The following UCHL5 variants were observed in gnomAD, a reference collection of about 807,000 sequenced individuals.
UCHL5 encodes the protein ubiquitin carboxyl-terminal hydrolase isozyme L5.
UCHL5 carries 34 observed loss-of-function variants against 53.8 expected under a neutral mutation model. The observed-to-expected ratio is 0.63, with a 90% CI of 0.48 to 0.84. UCHL5 has a LOEUF of 0.84. Among genes scored for constraint, UCHL5 ranks in the 40% least tolerant of loss-of-function variants. UCHL5 has a pLI of 0.00. For synonymous variants in UCHL5, 111 were observed against 126.3 expected (o/e 0.88, Z 0.81); for missense variants, 290 against 385.6 (o/e 0.75, Z 2.08).
At chr1:193,059,426 G>A, upstream of UCHL5, 8 of 1,610,768 alleles carry the variant, frequency 5.0e-6, no homozygotes, top group Non-Finnish European at 6.8e-6. This position sits in a 1 kb window ranked among gnomAD's most constrained non-coding sequence, Gnocchi z 4.9. Context: ...CAGCGCGACT[G>A]AGCGCGGGAG....
At chr1:193,034,866 GA>G (rs1662795333) in intron 3 of UCHL5, among the ~76,000 whole-genome samples, 1 of 151,918 alleles carries the variant, frequency 6.6e-6, no homozygotes, top group Non-Finnish European at 1.5e-5. Flanking sequence ...AATAGAGGCA[GA>G]AAAAGGATTT....
Position 193,014,964 on chromosome 1 carries a change from A to G in UCHL5, c.*1387T>C, listed in dbSNP as rs547690419. 3 of 152,234 alleles carry G rather than the reference A, an allele frequency of 2.0e-5. No homozygotes were observed. Among genetic ancestry groups the G allele is most frequent in the Middle Eastern group, 3.4e-3 (1 of 294 alleles). 9.4% of individuals were successfully genotyped at this position (152,234 alleles called of 1,614,324 possible). A position where few individuals can be genotyped will look rare whatever the true frequency, so the allele number is the denominator to read the frequency against. On this transcript the variant is annotated 3_prime_UTR_variant, in exon 11 of 11. Transcript: ENST00000367454. The stretch of plus-strand genomic sequence containing the variant: ...CAAGATGAGCCTTCCTTAAAAATCT[A>G]TTTTTAAAAATTATATCATGGCTTT...
intron 2 of UCHL5, among the ~76,000 whole-genome samples, chr1:193,051,392 T>C (rs1334662637): frequency 6.6e-6 from 1 of 152,006 alleles, no homozygotes; most frequent in Non-Finnish European, 1.5e-5. Context: ...TCAAATATGC[T>C]TTAGTACACT....
At position 193,059,177 on chromosome 1, in the gene UCHL5, G is replaced by C; in HGVS notation, c.76+8C>G. The C allele has an allele frequency of 3.1e-6, 5 of 1,605,618 alleles. No individual in the cohort carries two copies. Among genetic ancestry groups the C allele is most frequent in the Non-Finnish European group, 4.3e-6 (5 of 1,175,830 alleles). On this transcript the variant is annotated splice_region_variant and intron_variant, in intron 1 of 10. Coordinates refer to ENST00000367454, the MANE Select transcript of UCHL5 (RefSeq NM_001199261.3). This position sits in a 1 kb window ranked among gnomAD's most constrained non-coding sequence, Gnocchi z 4.9. ...CCCCAGGCCCAGGACGGTCCCCTTG[G>C]TTCTCACCGAATCCTTTAATGAGCT...
intron 3 of UCHL5, among the ~76,000 whole-genome samples, chr1:193,048,745 A>C (rs184173223): frequency 3.3e-5 from 5 of 152,372 alleles, no homozygotes; most frequent in South Asian, 4.1e-4. Flanking sequence ...ATTAAGGCAG[A>C]CATTTAAAAG....
chr1:193,029,137 C>T (rs1163844058), intron 6 of UCHL5, 42 bp downstream of exon 6: 1 of 1,594,646 alleles, frequency 6.3e-7, no homozygotes, highest in Admixed American at 1.8e-5. Flanking sequence ...AACAGATTTT[C>T]CCCTGTCAAA....
chr1:193,059,510 TG>T (rs1419374730), upstream of UCHL5: 1 of 1,589,690 alleles, frequency 6.3e-7, no homozygotes, highest in Non-Finnish European at 8.6e-7. The surrounding 1 kb of genome is among the most constrained non-coding windows in gnomAD (Gnocchi z 4.9). Context: ...TCGGAAGGGC[TG>T]GGGCCTGAGA....
chr1:193,026,836 T>C (rs138912601), intron 7 of UCHL5, among the ~76,000 whole-genome samples: 19 of 152,054 alleles, frequency 1.2e-4, no homozygotes, highest in Middle Eastern at 3.4e-3. Context: ...AGCCAAAAAA[T>C]AGAAAACAAT....
intron 1 of UCHL5, among the ~76,000 whole-genome samples, chr1:193,056,011 G>A (rs1670524395): frequency 6.6e-6 from 1 of 152,022 alleles, no homozygotes; most frequent in African/African-American, 2.4e-5. Context: ...AAGCCACCTT[G>A]GCTAGAATTT....
At chr1:193,026,710 T>A (rs916864799) in intron 7 of UCHL5, among the ~76,000 whole-genome samples, 12 of 148,612 alleles carry the variant, frequency 8.1e-5, no homozygotes, top group African/African-American at 1.5e-4. Flanking sequence ...AAAAAAAAAA[T>A]ATCCATTTAC....
chr1:193,023,004 C>A lies in UCHL5; in HGVS notation c.765G>T (p.Met255Ile). Residue 255 changes from methionine to isoleucine, a missense_variant, in exon 9 of 11, where the codon ATG becomes ATT. Transcript: ENST00000367454. ...CAACTTCTGACTGAATAGCACTTAA[C>A]ATACTATTACCTTGATCTGTATCCA... The part of the protein sequence containing the change: ...EPMDTDQGNS[M>I]LSAIQSEVAK... The A allele has an allele frequency of 3.1e-6, 5 of 1,613,344 alleles. No individual in the cohort carries two copies. Among genetic ancestry groups the A allele is most frequent in the Non-Finnish European group, 4.2e-6 (5 of 1,179,602 alleles).
intron 9 of UCHL5, among the ~76,000 whole-genome samples, chr1:193,022,297 G>C (rs887491173): frequency 6.6e-6 from 1 of 152,106 alleles, no homozygotes; most frequent in Non-Finnish European, 1.5e-5. Context: ...ACACTTTACT[G>C]ACACTGTGGG....
chr1:193,024,022 T>C (rs921384180), intron 7 of UCHL5, 76 bp from the exon 8 acceptor site: 6 of 1,044,552 alleles, frequency 5.7e-6, no homozygotes, highest in Non-Finnish European at 8.2e-6. Context: ...TCCATCGTGA[T>C]TCCCCTCTTG....
chr1:193,041,049 G>C (rs1241548625), intron 3 of UCHL5, among the ~76,000 whole-genome samples: 1 of 152,104 alleles, frequency 6.6e-6, no homozygotes, highest in Non-Finnish European at 1.5e-5. Flanking sequence ...CAGTTTAACA[G>C]AAGAAAGAAG....
intron 1 of UCHL5, among the ~76,000 whole-genome samples, chr1:193,056,403 T>G (rs2102930582): frequency 6.6e-6 from 1 of 152,310 alleles, no homozygotes; most frequent in East Asian, 1.9e-4. Context: ...CTGCTTACTC[T>G]AGGTTTTCTA....
At chr1:193,051,211 A>G (rs778838379) in intron 2 of UCHL5, among the ~76,000 whole-genome samples, 9 of 152,122 alleles carry the variant, frequency 5.9e-5, no homozygotes, top group South Asian at 2.1e-4. Context: ...GTTTGAGGGC[A>G]TGGTAGTCAG....
intron 3 of UCHL5, among the ~76,000 whole-genome samples, chr1:193,040,765 G>A (rs143633166): frequency 0.012 from 1,853 of 152,194 alleles, 19 homozygotes; most frequent in South Asian, 0.034. Context: ...ATGGATGAAT[G>A]GATAAAGAAA....
At chr1:193,035,822 T>C (rs139477319) in intron 3 of UCHL5, among the ~76,000 whole-genome samples, 19 of 152,140 alleles carry the variant, frequency 1.2e-4, no homozygotes, top group Middle Eastern at 3.4e-3. Context: ...AATACGTATA[T>C]TGACAAAACA....
intron 10 of UCHL5, chr1:193,019,904 A>G (rs1330795072): frequency 1.0e-6 from 1 of 969,880 alleles, no homozygotes; most frequent in South Asian, 4.8e-5. Context: ...GATGTATCAC[A>G]TATTTAGCAC....
Sources: allele counts gnomAD v4.1 joint callset (sites outside exome capture counted in the v4.1 genomes callset), GRCh38; gene constraint gnomAD v4.1.1; non-coding constraint Gnocchi (gnomAD v3.1); transcripts MANE v1.5; gene names NCBI Gene and HGNC (gene_info 2026-07-23, HGNC 2026-07-21).